Variants in PICALM observed in about 807,000 individuals in gnomAD.
The protein encoded by PICALM is phosphatidylinositol-binding clathrin assembly protein.
Under a neutral mutation model 80.5 loss-of-function variants are expected in PICALM, and 40 were observed. That is an observed-to-expected ratio of 0.50 (90% CI 0.39 to 0.65). PICALM has a LOEUF of 0.65. PICALM is among the 30% of genes least tolerant of loss of function. The pLI is 0.00. For missense variants in PICALM, 676 were observed against 778.9 expected (o/e 0.87, Z 1.57); for synonymous variants, 288 against 260.3 (o/e 1.11, Z -1.02).
At chr11:85,998,086 T>C (rs11234505) in intron 11 of PICALM, among the ~76,000 whole-genome samples, 27,186 of 151,026 alleles carry the variant, frequency 0.18, 2,799 homozygotes, top group East Asian at 0.48. Context: ...CTGGCTTACA[T>C]GATATATTTC....
intron 5 of PICALM, among the ~76,000 whole-genome samples, chr11:86,013,713 T>C (rs1421880566): frequency 6.6e-6 from 1 of 152,226 alleles, no homozygotes; most frequent in Non-Finnish European, 1.5e-5. Flanking sequence ...TGAGATTCTA[T>C]ACAAACCAAA....
At position 86,025,966 on chromosome 11, in the gene PICALM, G is replaced by A. The variant is rs116841921; in HGVS notation, c.349+326C>T. ...TGGGTAGGTACTATCACTATTACTCGATTCTACTGATGCAGAGGTGAAGTA... is the reference window on the plus strand; with the variant it reads ...TGGGTAGGTACTATCACTATTACTCAATTCTACTGATGCAGAGGTGAAGTA... On this transcript the variant is annotated intron_variant, in intron 3 of 19. Coordinates refer to ENST00000393346, the MANE Select transcript of PICALM (RefSeq NM_007166.4). Among the ~76,000 whole-genome samples the A allele has an allele frequency of 2.6e-4, 40 of 152,140 alleles. No individual in the cohort carries two copies. The East Asian group carries it at 7.1e-3, about 27-fold the overall frequency.
intron 7 of PICALM, among the ~76,000 whole-genome samples, chr11:86,009,180 C>G (rs1227222786): frequency 6.7e-6 from 1 of 149,268 alleles, no homozygotes; most frequent in East Asian, 2.0e-4. Context: ...GTAATCCCAG[C>G]TACCCAGGAA....
rs1244870022 is a variant in PICALM at position 85,958,606 on chromosome 11, A to G, written c.*440T>C. ...TTCTGTATTTGTGAGGACTGGAGAA[A>G]AGAAAGATAATGCATAATTAGGAAT... On this transcript the variant is annotated 3_prime_UTR_variant, in exon 20 of 20. Transcript: ENST00000393346. The G allele has an allele frequency of 1.3e-5, 3 of 227,468 alleles. No homozygotes were observed. The highest frequency in any genetic ancestry group is 2.6e-5 in the Non-Finnish European group (3 of 114,786). 14.1% of individuals were successfully genotyped at this position (227,468 alleles called of 1,614,324 possible). A position where few individuals can be genotyped will look rare whatever the true frequency, so the allele number is the denominator to read the frequency against.
intron 18 of PICALM, 95 bp from the exon 19 acceptor site, chr11:85,974,907 A>G (rs2094225979): frequency 2.4e-6 from 2 of 848,554 alleles, no homozygotes; most frequent in Admixed American, 1.8e-5. Context: ...AGGTCCTAGT[A>G]CCTTTGCTTG....
intron 1 of PICALM, among the ~76,000 whole-genome samples, chr11:86,041,642 C>G (rs957611117): frequency 1.3e-5 from 2 of 152,130 alleles, no homozygotes; most frequent in Non-Finnish European, 2.9e-5. Context: ...CATGGCTGAA[C>G]CCAAGCCAAA....
intron 19 of PICALM, among the ~76,000 whole-genome samples, chr11:85,969,272 T>C (rs1218061213): frequency 1.3e-5 from 2 of 152,200 alleles, no homozygotes; most frequent in Non-Finnish European, 2.9e-5. Flanking sequence ...AAATGTTAAC[T>C]TGATATAATA....
At chr11:85,959,534 G>A (rs941083683) in intron 19 of PICALM, among the ~76,000 whole-genome samples, 2 of 151,130 alleles carry the variant, frequency 1.3e-5, no homozygotes, top group Non-Finnish European at 2.9e-5. Context: ...TCGGGAGGCT[G>A]AGGCAGGAGA....
chr11:86,029,067 G>A (rs186981100), intron 2 of PICALM, among the ~76,000 whole-genome samples: 21 of 152,094 alleles, frequency 1.4e-4, no homozygotes, highest in Non-Finnish European at 2.8e-4. Context: ...TCGAACTTGC[G>A]ACCTCAGGTG....
intron 19 of PICALM, chr11:85,969,770 C>G: frequency 2.0e-5 from 5 of 246,940 alleles, no homozygotes; most frequent in Non-Finnish European, 4.2e-5. Flanking sequence ...CCTCCTACCT[C>G]AGCCTCCCAA....
chr11:86,066,528 G>C (rs1322509636), intron 1 of PICALM, among the ~76,000 whole-genome samples: 1 of 152,062 alleles, frequency 6.6e-6, no homozygotes, highest in Admixed American at 6.6e-5. Flanking sequence ...AAGAGAAATA[G>C]CTAATAACAT....
At chr11:86,061,461 C>T (rs2096364606) in intron 1 of PICALM, among the ~76,000 whole-genome samples, 1 of 151,688 alleles carries the variant, frequency 6.6e-6, no homozygotes, top group African/African-American at 2.4e-5. Flanking sequence ...AGGACAATGA[C>T]CTTAACGGAC....
intron 4 of PICALM, among the ~76,000 whole-genome samples, chr11:86,017,743 A>G (rs1160505971): frequency 2.0e-5 from 3 of 152,240 alleles, no homozygotes; most frequent in African/African-American, 7.2e-5. Context: ...TAAATAGTTA[A>G]CAGTTTGTGT....
intron 11 of PICALM, among the ~76,000 whole-genome samples, chr11:85,999,916 A>C (rs1173655264): frequency 6.6e-6 from 1 of 152,240 alleles, no homozygotes. Context: ...TGGGACTCAG[A>C]TATCTGTAGT....
intron 1 of PICALM, among the ~76,000 whole-genome samples, chr11:86,066,225 C>G (rs1031030954): frequency 5.3e-5 from 8 of 152,164 alleles, no homozygotes; most frequent in Non-Finnish European, 1.0e-4. Flanking sequence ...AAACCACTCA[C>G]TGGTCAGACT....
chr11:86,031,303 C>A (rs2095747783), intron 2 of PICALM, among the ~76,000 whole-genome samples, 166 bp downstream of exon 2: 1 of 152,158 alleles, frequency 6.6e-6, no homozygotes, highest in Non-Finnish European at 1.5e-5. Flanking sequence ...TTTTTGCTTT[C>A]TGGCTTACAA....
chr11:86,026,197 G>T (rs1348312439), intron 3 of PICALM, 95 bp downstream of exon 3: 1 of 693,548 alleles, frequency 1.4e-6, no homozygotes, highest in Non-Finnish European at 2.6e-6. Flanking sequence ...AAGGTTTAAA[G>T]TAGCACATGT....
rs192519687 is a variant in PICALM at position 85,973,916 on chromosome 11, G to C, written c.1944+792C>G. Among the ~76,000 whole-genome samples, 674 of 151,994 alleles carry C rather than the reference G, an allele frequency of 4.4e-3. 6 individuals carry two copies. The highest frequency in any genetic ancestry group is 0.02 in the Admixed American group (298 of 15,264). ...CTACTTCTAGATGTCAAAACAGTAC[G>C]AGCAGAGCCACAGACACAGAAGGAT... On this transcript the variant is annotated intron_variant, in intron 19 of 19. Transcript: ENST00000393346.
intron 1 of PICALM, among the ~76,000 whole-genome samples, chr11:86,058,008 A>T (rs1224898377): frequency 1.3e-5 from 2 of 152,214 alleles, no homozygotes; most frequent in African/African-American, 4.8e-5. Flanking sequence ...TAATGTTTCA[A>T]ATTATTCAAT....
Sources: gnomAD v4.1 joint callset for allele counts (sites outside exome capture counted in the v4.1 genomes callset) on GRCh38, gnomAD v4.1.1 for gene constraint, MANE v1.5 for transcripts, NCBI Gene and HGNC (gene_info 2026-07-23, HGNC 2026-07-21) for gene names.